The following MLLT10 variants were observed in gnomAD, a reference collection of about 807,000 sequenced individuals.
MLLT10 encodes the protein MLLT10 histone lysine methyltransferase DOT1L cofactor.
Under a neutral mutation model 129.1 loss-of-function variants are expected in MLLT10, and 30 were observed. The observed-to-expected ratio is 0.23, with a 90% CI of 0.17 to 0.32. The LOEUF (loss-of-function observed/expected upper bound fraction) is 0.32. Among genes scored for constraint, MLLT10 ranks in the 10% least tolerant of loss-of-function variants. The pLI, the probability that MLLT10 is intolerant of heterozygous loss-of-function variation, is 1.00. For missense variants in MLLT10, 1,119 were observed against 1,268.3 expected, an observed-to-expected ratio of 0.88 and a Z score of 1.79; for synonymous variants, 490 against 446.4, an observed-to-expected ratio of 1.10 and a Z score of -1.23.
At chr10:21,648,806 C>T (rs796860044) in intron 8 of MLLT10, among the ~76,000 whole-genome samples, 2 of 152,148 alleles carry the variant, frequency 1.3e-5, no homozygotes, top group South Asian at 2.1e-4. Context: ...TGGCAGAAGG[C>T]GAAGGAGGAG....
At chr10:21,620,057 G>A (rs2045658691) in intron 8 of MLLT10, among the ~76,000 whole-genome samples, 1 of 151,652 alleles carries the variant, frequency 6.6e-6, no homozygotes, top group African/African-American at 2.4e-5. Context: ...AGCCTCTTGA[G>A]TAGCTGGGAT....
At chr10:21,587,150 A>G (rs2042063788) in intron 4 of MLLT10, among the ~76,000 whole-genome samples, 2 of 152,030 alleles carry the variant, frequency 1.3e-5, no homozygotes, top group South Asian at 4.1e-4. Context: ...CTGTAATCCC[A>G]GCTCTTTGAG....
chr10:21,692,618 T>C (rs905479530), intron 13 of MLLT10, among the ~76,000 whole-genome samples: 5 of 152,180 alleles, frequency 3.3e-5, no homozygotes, highest in African/African-American at 1.2e-4. Flanking sequence ...TAGCTGGGAA[T>C]ACAGGCACAC....
At chr10:21,580,485 T>C (rs2041288486) in intron 3 of MLLT10, among the ~76,000 whole-genome samples, 1 of 151,368 alleles carries the variant, frequency 6.6e-6, no homozygotes, top group East Asian at 1.9e-4. Context: ...GTCTCCTGGA[T>C]TCACGCCATT....
At chr10:21,636,597 G>A (rs1318236004) in intron 8 of MLLT10, among the ~76,000 whole-genome samples, 2 of 147,792 alleles carry the variant, frequency 1.4e-5, no homozygotes, top group Non-Finnish European at 3.0e-5. Flanking sequence ...TTTTTGAGAC[G>A]GAGTTTCACT....
At chr10:21,707,841 G>A (rs2131497537) in intron 13 of MLLT10, among the ~76,000 whole-genome samples, 1 of 152,156 alleles carries the variant, frequency 6.6e-6, no homozygotes, top group East Asian at 1.9e-4. Flanking sequence ...TGTATTACCT[G>A]TTTTTTCTTC....
At position 21,713,801 on chromosome 10, in the gene MLLT10, T is replaced by G; in HGVS notation, c.1729T>G (p.Ser577Ala). The G allele has an allele frequency of 6.2e-7, 1 of 1,613,574 alleles. No individual in the cohort carries two copies. Among genetic ancestry groups the G allele is most frequent in the Non-Finnish European group, 8.5e-7 (1 of 1,179,796 alleles). Reference sequence around the variant, plus strand: ...TTATAACAGCAATGATGTAGCAGTATCGTTTCCAAATGTAGTATCTGGCTC... The same window carrying G: ...TTATAACAGCAATGATGTAGCAGTAGCGTTTCCAAATGTAGTATCTGGCTC... ...GIYNSNDVAV[S>A]FPNVVSGSGS... is the part of the protein sequence containing the mutation. The change falls in exon 14 of 23, where the codon TCG (serine) becomes GCG (alanine). Residue 577 changes from serine (S) to alanine (A), a missense_variant. By Grantham distance (99) the Ser-to-Ala change is moderately conservative. Around this residue, in one of 5 missense-constraint regions of MLLT10, gnomAD observed 1,004 missense variants for 1,008.7 expected, o/e 1.00. Transcript: ENST00000307729.
rs73592600 is a variant in MLLT10, at chr10:21,713,682, T to A, written c.1700-90T>A. ...ATAAGATTTATAATTGGAGGAGGGA[T>A]CCAGGAGGAAATGCAAGTTTACTGA... On this transcript the variant is annotated intron_variant, in intron 13 of 22. Transcript: ENST00000307729. The A allele has an allele frequency of 3.5e-3, 3,877 of 1,109,838 alleles. 95 individuals are homozygous for A. The African/African-American group carries it at 0.054, about 15-fold the overall frequency. The allele number at this position is 1,109,838 out of a possible 1,614,324, so 68.7% of individuals were successfully genotyped here.
At chr10:21,612,038 G>C (rs1054064171) in intron 5 of MLLT10, among the ~76,000 whole-genome samples, 1 of 152,170 alleles carries the variant, frequency 6.6e-6, no homozygotes, top group Non-Finnish European at 1.5e-5. Context: ...GGAAGAAGAG[G>C]TGTGGTAGAT....
chr10:21,693,536 A>C (rs143414139), intron 13 of MLLT10, among the ~76,000 whole-genome samples: 22 of 152,154 alleles, frequency 1.4e-4, no homozygotes, highest in African/African-American at 4.8e-4. Context: ...CTACCCCTGA[A>C]ACTGTTCTAC....
rs1833689596 is a variant in MLLT10, at chr10:21,741,848, AC to A, written c.3163-89del. ...AAGAAAAAAGGGAGTAACTTTCTAT[AC>A]CACATTTTATCTCAGTCACAGTTTC... On this transcript the variant is annotated intron_variant, in intron 22 of 22. Coordinates refer to ENST00000307729, the MANE Select transcript of MLLT10 (RefSeq NM_001195626.3). 3 of 1,379,688 alleles carry A rather than the reference AC, an allele frequency of 2.2e-6. No homozygotes were observed. In the African/African-American group the frequency reaches 4.3e-5, roughly 20 times the overall value. The allele number at this position is 1,379,688 out of a possible 1,614,324, so 85.5% of individuals were successfully genotyped here. A position where few individuals can be genotyped will look rare whatever the true frequency, so the allele number is the denominator to read the frequency against.
intron 3 of MLLT10, chr10:21,557,167 A>T (rs1272621110): frequency 6.7e-6 from 9 of 1,337,996 alleles, no homozygotes; most frequent in South Asian, 1.9e-5. Flanking sequence ...AAATAAAACT[A>T]GTTGATTCAC....
At chr10:21,581,134 T>C (rs773669025) in intron 3 of MLLT10, among the ~76,000 whole-genome samples, 2 of 149,990 alleles carry the variant, frequency 1.3e-5, no homozygotes, top group Non-Finnish European at 3.0e-5. Flanking sequence ...CAAGCTCTGC[T>C]TCCCGGGTTC....
chr10:21,581,541 G>A (rs2041457000), intron 3 of MLLT10, among the ~76,000 whole-genome samples: 3 of 152,170 alleles, frequency 2.0e-5, no homozygotes. Flanking sequence ...GGGTTTGGCT[G>A]TGTATCCCCA....
intron 3 of MLLT10, among the ~76,000 whole-genome samples, chr10:21,585,983 A>G (rs1247207680): frequency 1.3e-5 from 2 of 151,980 alleles, no homozygotes; most frequent in Non-Finnish European, 1.5e-5. Context: ...CTGGTCTCGA[A>G]CTCCCGACCT....
chr10:21,591,135 G>T (rs944317865), intron 4 of MLLT10, among the ~76,000 whole-genome samples: 2 of 152,158 alleles, frequency 1.3e-5, no homozygotes, highest in African/African-American at 4.8e-5. Flanking sequence ...TTGGCTCAGT[G>T]AAGCCTCCAC....
At chr10:21,614,984 A>G in intron 7 of MLLT10, 60 bp downstream of exon 7, 3 of 1,356,554 alleles carry the variant, frequency 2.2e-6, no homozygotes, top group Admixed American at 2.1e-5. Context: ...ATAGAATGAC[A>G]CTGTTTTATT....
intron 11 of MLLT10, among the ~76,000 whole-genome samples, chr10:21,674,765 A>C (rs2051897826): frequency 6.6e-6 from 1 of 152,172 alleles, no homozygotes. Flanking sequence ...TTCTAGTTTT[A>C]GATTTCTGAT....
At chr10:21,561,773 A>G (rs1488981651) in intron 3 of MLLT10, among the ~76,000 whole-genome samples, 4 of 151,864 alleles carry the variant, frequency 2.6e-5, no homozygotes, top group East Asian at 1.9e-4. Context: ...TGAACTCTCT[A>G]TTCTCTTTCA....
Sources: gnomAD v4.1 joint callset for allele counts (sites outside exome capture counted in the v4.1 genomes callset) on GRCh38, gnomAD v4.1.1 for gene constraint, gnomAD v4.1.1 regional missense constraint, MANE v1.5 for transcripts, NCBI Gene and HGNC (gene_info 2026-07-23, HGNC 2026-07-21) for gene names.